CFAP299: variants seen among roughly 807,000 people sequenced by gnomAD.
CFAP299 encodes cilia and flagella associated protein 299.
CFAP299 carries 21 observed loss-of-function variants against 27.0 expected under a neutral mutation model. The observed-to-expected ratio is 0.78, with a 90% CI of 0.55 to 1.12. The LOEUF is 1.12. Ranked by LOEUF, CFAP299 falls within the 50% of genes most tolerant of loss-of-function variation. The pLI, the probability that CFAP299 is intolerant of heterozygous loss-of-function variation, is 0.00. For missense variants in CFAP299, 310 were observed against 276.6 expected (o/e 1.12, Z -0.86); for synonymous variants, 104 against 98.1 (o/e 1.06, Z -0.36).
chr4:80,634,045 A>G (rs1271889133), intron 3 of CFAP299, among the ~76,000 whole-genome samples: 2 of 141,398 alleles, frequency 1.4e-5, no homozygotes, highest in Non-Finnish European at 1.5e-5. Flanking sequence ...AGTGAGTGGC[A>G]TACTCTCGGC....
chr4:80,385,819 C>G (rs1330504011), intron 2 of CFAP299, among the ~76,000 whole-genome samples: 1 of 152,390 alleles, frequency 6.6e-6, no homozygotes, highest in Middle Eastern at 3.4e-3. Context: ...CACCTGGAGG[C>G]AGCCTGGAGG....
At chr4:80,550,337 G>C (rs1042929816) in intron 2 of CFAP299, among the ~76,000 whole-genome samples, 4 of 151,862 alleles carry the variant, frequency 2.6e-5, no homozygotes, top group African/African-American at 9.7e-5. Context: ...TGAAGTGCAG[G>C]TTATCTCGTT....
chr4:80,424,381 T>C (rs1727437474), intron 2 of CFAP299, among the ~76,000 whole-genome samples: 1 of 152,190 alleles, frequency 6.6e-6, no homozygotes, highest in African/African-American at 2.4e-5. Context: ...ATTGTTTACA[T>C]TTTTCTGCAC....
At chr4:80,458,582 T>C (rs1729282607) in intron 2 of CFAP299, among the ~76,000 whole-genome samples, 1 of 152,230 alleles carries the variant, frequency 6.6e-6, no homozygotes, top group African/African-American at 2.4e-5. Context: ...TAAAACATTT[T>C]CTTTTAAATA....
At chr4:80,419,204 A>G (rs1158286552) in intron 2 of CFAP299, among the ~76,000 whole-genome samples, 2 of 151,390 alleles carry the variant, frequency 1.3e-5, no homozygotes, top group African/African-American at 2.4e-5. Context: ...AAGAGGGCCA[A>G]GGGGGCAACT....
intron 2 of CFAP299, among the ~76,000 whole-genome samples, chr4:80,550,321 T>C (rs947170159): frequency 6.6e-6 from 1 of 152,118 alleles, no homozygotes; most frequent in Non-Finnish European, 1.5e-5. Context: ...TATTTGTTGA[T>C]TGATATGAAG....
intron 2 of CFAP299, among the ~76,000 whole-genome samples, chr4:80,550,668 G>A (rs1003210052): frequency 2.0e-5 from 3 of 151,662 alleles, no homozygotes; most frequent in African/African-American, 7.3e-5. Context: ...TGTTAACAAT[G>A]TTTCTAATTT....
chr4:80,557,827 G>A (rs1041625683), intron 2 of CFAP299, among the ~76,000 whole-genome samples: 2 of 151,788 alleles, frequency 1.3e-5, no homozygotes, highest in Non-Finnish European at 2.9e-5. Context: ...ATTTCTTTTC[G>A]GCTACTTTAA....
intron 2 of CFAP299, among the ~76,000 whole-genome samples, chr4:80,513,628 C>G (rs778498482): frequency 1.8e-4 from 28 of 151,932 alleles, no homozygotes; most frequent in Admixed American, 2.0e-4. Context: ...AAAAGGGTCC[C>G]CTGAATGTAG....
chr4:80,552,740 C>T lies in CFAP299; in HGVS notation c.243-30353C>T, dbSNP rs529027357. On this transcript the variant is annotated intron_variant, in intron 2 of 5. Coordinates refer to ENST00000358105, the MANE Select transcript of CFAP299 (RefSeq NM_152770.3). ...TCTTGCTCTGTCACTCAGGCTAGAG[C>T]GCAATGGCATGAGTATAGCTTACTG... is the stretch of plus-strand genomic sequence containing the variant. Among the ~76,000 whole-genome samples, 447 of 152,222 alleles carry T rather than the reference C, an allele frequency of 2.9e-3. 2 individuals are homozygous for T. Among genetic ancestry groups the T allele is most frequent in the South Asian group, 6.0e-3 (29 of 4,824 alleles).
intron 2 of CFAP299, among the ~76,000 whole-genome samples, chr4:80,546,924 G>T (rs1443261494): frequency 6.6e-6 from 1 of 152,088 alleles, no homozygotes; most frequent in East Asian, 1.9e-4. Context: ...TAGATAGGAA[G>T]AATCAATATT....
chr4:80,556,200 C>T (rs557568419), intron 2 of CFAP299, among the ~76,000 whole-genome samples: 1 of 152,146 alleles, frequency 6.6e-6, no homozygotes, highest in African/African-American at 2.4e-5. Context: ...TCCAATGGCA[C>T]AATCTCCAAA....
intron 2 of CFAP299, among the ~76,000 whole-genome samples, chr4:80,428,326 G>C (rs1471629235): frequency 1.3e-5 from 2 of 152,042 alleles, no homozygotes; most frequent in African/African-American, 4.8e-5. Flanking sequence ...TTTAGAAAAA[G>C]CCTATTCTAA....
chr4:80,707,419 C>T (rs1439450611), intron 3 of CFAP299, among the ~76,000 whole-genome samples: 1 of 151,954 alleles, frequency 6.6e-6, no homozygotes, highest in Non-Finnish European at 1.5e-5. Flanking sequence ...TCATCTATGG[C>T]TGTTTATGCA....
At chr4:80,797,138 A>G (rs980092988) in intron 3 of CFAP299, among the ~76,000 whole-genome samples, 1 of 152,116 alleles carries the variant, frequency 6.6e-6, no homozygotes, top group African/African-American at 2.4e-5. Flanking sequence ...AAAATGTCTG[A>G]TCATTTCCCT....
chr4:80,404,079 C>T (rs2110053216), intron 2 of CFAP299, among the ~76,000 whole-genome samples: 1 of 152,184 alleles, frequency 6.6e-6, no homozygotes, highest in South Asian at 2.1e-4. Context: ...TTTAAAAAAT[C>T]ACATTACAAA....
intron 2 of CFAP299, among the ~76,000 whole-genome samples, chr4:80,370,242 C>T (rs1041151785): frequency 6.6e-6 from 1 of 152,078 alleles, no homozygotes; most frequent in Non-Finnish European, 1.5e-5. Flanking sequence ...GAAATCTGAC[C>T]CCATTATCCA....
intron 3 of CFAP299, among the ~76,000 whole-genome samples, chr4:80,718,004 T>C (rs956983466): frequency 6.6e-6 from 1 of 152,106 alleles, no homozygotes; most frequent in Non-Finnish European, 1.5e-5. Context: ...CCTATGGTTT[T>C]ATAGTTAGTA....
chr4:80,615,601 T>C (rs1480600937), intron 3 of CFAP299, among the ~76,000 whole-genome samples: 3 of 151,976 alleles, frequency 2.0e-5, no homozygotes, highest in Non-Finnish European at 4.4e-5. Flanking sequence ...GGCATGATCA[T>C]AGCTCACTGC....
Sources: gnomAD v4.1 joint callset for allele counts (sites outside exome capture counted in the v4.1 genomes callset) on GRCh38, gnomAD v4.1.1 for gene constraint, MANE v1.5 for transcripts, NCBI Gene and HGNC (gene_info 2026-07-23, HGNC 2026-07-21) for gene names.